The following CADM2 variants were observed in gnomAD, a reference collection of about 807,000 sequenced individuals.
The protein encoded by CADM2 is immunoglobulin superfamily member 4D.
CADM2 carries 12 observed loss-of-function variants against 49.8 expected under a neutral mutation model. The observed-to-expected ratio is 0.24, with a 90% confidence interval of 0.15 to 0.39. The LOEUF (loss-of-function observed/expected upper bound fraction) is 0.39. CADM2 is among the 10% of genes least tolerant of loss of function. The pLI is 1.00. For synonymous variants in CADM2, 214 were observed against 175.4 expected (o/e 1.22, Z -1.74); for missense variants, 378 against 492.3 (o/e 0.77, Z 2.20).
intron 5 of CADM2, among the ~76,000 whole-genome samples, chr3:85,896,747 T>C (rs746063914): frequency 5.9e-5 from 9 of 152,236 alleles, no homozygotes; most frequent in Non-Finnish European, 1.3e-4. Flanking sequence ...TCAAAGATAA[T>C]GCAGCTTCTA....
At chr3:85,298,593 G>A (rs1415183149) in intron 1 of CADM2, among the ~76,000 whole-genome samples, 2 of 152,208 alleles carry the variant, frequency 1.3e-5, no homozygotes, top group Non-Finnish European at 1.5e-5. Flanking sequence ...TCAAGAGAGA[G>A]CTTCTTAAAA....
intron 1 of CADM2, among the ~76,000 whole-genome samples, chr3:85,369,690 GT>G (rs2033057391): frequency 6.6e-6 from 1 of 152,118 alleles, no homozygotes; most frequent in Non-Finnish European, 1.5e-5. Context: ...TCAACTAAAA[GT>G]TTTTTGTTCT....
chr3:85,590,042 C>A (rs896729074), intron 1 of CADM2, among the ~76,000 whole-genome samples: 3 of 151,760 alleles, frequency 2.0e-5, no homozygotes, highest in African/African-American at 7.3e-5. Flanking sequence ...AAAACAGGTT[C>A]AAGGAGTGTA....
At chr3:85,887,209 C>T (rs1049884546) in intron 5 of CADM2, among the ~76,000 whole-genome samples, 10 of 152,210 alleles carry the variant, frequency 6.6e-5, no homozygotes, top group Non-Finnish European at 1.2e-4. Flanking sequence ...GCCTCAGCCT[C>T]CTGAGTAGTT....
chr3:85,526,625 T>C (rs35701422), intron 1 of CADM2, among the ~76,000 whole-genome samples: 78,163 of 151,932 alleles, frequency 0.51, 23,068 homozygotes, highest in East Asian at 0.85. Context: ...ATAAAAAAAC[T>C]GAATTAATAA....
chr3:85,427,665 A>G (rs1051364840), intron 1 of CADM2, among the ~76,000 whole-genome samples: 1 of 152,140 alleles, frequency 6.6e-6, no homozygotes, highest in African/African-American at 2.4e-5. Context: ...GGAAACTGCT[A>G]TCTTCCAGCA....
intron 1 of CADM2, among the ~76,000 whole-genome samples, chr3:85,163,599 A>G (rs373273105): frequency 3.1e-4 from 47 of 152,226 alleles, no homozygotes; most frequent in African/African-American, 1.1e-3. Context: ...AAAAATACAT[A>G]TATACCATCC....
At chr3:85,163,098 A>G (rs1465183147) in intron 1 of CADM2, among the ~76,000 whole-genome samples, 2 of 152,072 alleles carry the variant, frequency 1.3e-5, no homozygotes, top group Non-Finnish European at 2.9e-5. Flanking sequence ...CAACACAGTC[A>G]TGTTATTACA....
intron 1 of CADM2, among the ~76,000 whole-genome samples, chr3:85,282,101 T>C (rs1014799645): frequency 3.9e-5 from 6 of 151,972 alleles, no homozygotes; most frequent in African/African-American, 1.4e-4. Flanking sequence ...AAACATATAT[T>C]AAAATTATAT....
chr3:85,077,803 A>T (rs539030658), intron 1 of CADM2, among the ~76,000 whole-genome samples: 1 of 152,116 alleles, frequency 6.6e-6, no homozygotes. Flanking sequence ...TAATAAAAAC[A>T]GATTATTATC....
chr3:85,371,690 T>A (rs1422368354), intron 1 of CADM2, among the ~76,000 whole-genome samples: 1 of 136,288 alleles, frequency 7.3e-6, no homozygotes, highest in African/African-American at 2.9e-5. Context: ...TATATATATA[T>A]ATATATATAT....
intron 7 of CADM2, among the ~76,000 whole-genome samples, chr3:85,958,602 C>T (rs751928076): frequency 4.0e-5 from 6 of 151,786 alleles, no homozygotes; most frequent in African/African-American, 4.8e-5. Context: ...TGCACACATA[C>T]GTTTATTGCA....
intron 1 of CADM2, among the ~76,000 whole-genome samples, chr3:85,294,572 G>T (rs1364727061): frequency 2.6e-5 from 4 of 152,076 alleles, no homozygotes; most frequent in Admixed American, 6.6e-5. Flanking sequence ...AAACAGCATG[G>T]TACTGGTACC....
At chr3:85,112,243 T>C (rs2038484668) in intron 1 of CADM2, among the ~76,000 whole-genome samples, 2 of 151,884 alleles carry the variant, frequency 1.3e-5, no homozygotes, top group African/African-American at 4.8e-5. Flanking sequence ...TGGAAACCAA[T>C]GGCCAATTTA....
intron 1 of CADM2, among the ~76,000 whole-genome samples, chr3:85,042,464 AT>A (rs1280342594): frequency 2.0e-5 from 3 of 150,370 alleles, no homozygotes; most frequent in African/African-American, 7.3e-5. Flanking sequence ...ACATCCTTAT[AT>A]TTTTTTTCCA....
Position 85,987,600 on chromosome 3 carries a change from T to C in CADM2, c.970+25953T>C, listed in dbSNP as rs534801174. Among the ~76,000 whole-genome samples the C allele has an allele frequency of 1.3e-3, 192 of 147,048 alleles. 1 individual carries two copies. Among genetic ancestry groups the C allele is most frequent in the South Asian group, 1.9e-3 (9 of 4,764 alleles). On this transcript the variant is annotated intron_variant, in intron 8 of 9. Coordinates refer to ENST00000383699, the MANE Select transcript of CADM2 (RefSeq NM_001167675.2). ...CATGTTAAAATAAATAAAATTGTTA[T>C]AATAAATTATAATTATTATAATTAA... is the stretch of plus-strand genomic sequence containing the variant.
intron 3 of CADM2, among the ~76,000 whole-genome samples, chr3:85,864,550 A>G (rs1183326324): frequency 6.6e-6 from 1 of 152,096 alleles, no homozygotes; most frequent in African/African-American, 2.4e-5. Context: ...TTGCTCAACT[A>G]TTGTCCTATT....
intron 1 of CADM2, among the ~76,000 whole-genome samples, chr3:85,257,620 G>T (rs911735514): frequency 6.6e-6 from 1 of 152,004 alleles, no homozygotes; most frequent in Non-Finnish European, 1.5e-5. Context: ...GGTCAAAAAA[G>T]AAAATTGATA....
chr3:85,802,221 T>A lies in CADM2; in HGVS notation c.238+25T>A. The stretch of plus-strand genomic sequence containing the variant: ...GGTGAATACATTTTCTTTCAAATGT[T>A]TTAATCGTATTCTAAAATATCCTAA... On this transcript the variant is annotated intron_variant, in intron 3 of 9. Transcript: ENST00000383699. 1.9e-6 allele frequency: 3 copies of A among 1,580,144 alleles called. No homozygotes were observed. The Admixed American group carries it at 5.3e-5, about 28-fold the overall frequency.
Sources: allele counts gnomAD v4.1 joint callset (sites outside exome capture counted in the v4.1 genomes callset), GRCh38; gene constraint gnomAD v4.1.1; transcripts MANE v1.5; gene names NCBI Gene and HGNC (gene_info 2026-07-23, HGNC 2026-07-21).